COMMD10: variants seen among roughly 807,000 people sequenced by gnomAD.
COMMD10 encodes the protein COMM domain containing 10.
In COMMD10, 33 loss-of-function variants were observed where a neutral mutation model predicts 28.9. That is an observed-to-expected ratio of 1.14 (90% CI 0.87 to 1.53). COMMD10 has a LOEUF of 1.53. Ranked by LOEUF, COMMD10 falls within the 40% of genes most tolerant of loss-of-function variation. COMMD10 has a pLI of 0.00. For synonymous variants in COMMD10, 110 were observed against 81.7 expected (o/e 1.35, Z -1.87); for missense variants, 310 against 233.4 (o/e 1.33, Z -2.14).
intron 5 of COMMD10, among the ~76,000 whole-genome samples, chr5:116,194,609 T>G (rs997629268): frequency 6.6e-5 from 10 of 152,070 alleles, no homozygotes; most frequent in African/African-American, 9.7e-5. Flanking sequence ...CTCTCTTAGC[T>G]GCTTACATCA....
At chr5:116,208,937 A>G (rs1453557076) in intron 5 of COMMD10, among the ~76,000 whole-genome samples, 1 of 152,146 alleles carries the variant, frequency 6.6e-6, no homozygotes, top group African/African-American at 2.4e-5. Flanking sequence ...TGTTAGACCA[A>G]ACATTGGGAA....
At chr5:116,189,477 C>T (rs193057693) in intron 5 of COMMD10, among the ~76,000 whole-genome samples, 2 of 152,228 alleles carry the variant, frequency 1.3e-5, no homozygotes. Context: ...TTCTTTAGTG[C>T]CATCTTGTTT....
chr5:116,189,809 C>A (rs990052859), intron 5 of COMMD10, among the ~76,000 whole-genome samples: 5 of 152,106 alleles, frequency 3.3e-5, no homozygotes, highest in African/African-American at 1.2e-4. Flanking sequence ...AGAAATTGTT[C>A]ATGTATTTTA....
chr5:116,096,720 C>T (rs981380359), intron 4 of COMMD10, among the ~76,000 whole-genome samples: 3 of 151,844 alleles, frequency 2.0e-5, no homozygotes, highest in Admixed American at 6.6e-5. Context: ...TAGAAAATGC[C>T]CCTTTATTGT....
At chr5:116,249,754 C>T (rs548700836) in intron 5 of COMMD10, among the ~76,000 whole-genome samples, 1 of 151,850 alleles carries the variant, frequency 6.6e-6, no homozygotes, top group Non-Finnish European at 1.5e-5. Flanking sequence ...TAATGTAGTA[C>T]AGATTTTAAG....
At position 116,288,477 on chromosome 5, in the gene COMMD10, T is replaced by C. The variant is rs575268525; in HGVS notation, c.511-3040T>C. On this transcript the variant is annotated intron_variant, in intron 5 of 6. Coordinates refer to ENST00000274458, the MANE Select transcript of COMMD10 (RefSeq NM_016144.4). ...TTGAATTTCTTGATCTGTATGTACA[T>C]TTCTGTCCACAGATTGGGGAAGTTT... Among the ~76,000 whole-genome samples the C allele has an allele frequency of 2.6e-5, 4 of 152,056 alleles. No homozygotes were observed. In the South Asian group the frequency reaches 6.2e-4, roughly 24 times the overall value.
At chr5:116,125,297 C>T (rs1382088741) in intron 4 of COMMD10, among the ~76,000 whole-genome samples, 2 of 152,108 alleles carry the variant, frequency 1.3e-5, no homozygotes, top group Non-Finnish European at 2.9e-5. Context: ...TTTATTTCTC[C>T]TTCACATATG....
At chr5:116,143,504 C>T (rs1231746531) in intron 5 of COMMD10, among the ~76,000 whole-genome samples, 3 of 151,646 alleles carry the variant, frequency 2.0e-5, no homozygotes, top group Non-Finnish European at 4.4e-5. Flanking sequence ...AGTAAAGAAA[C>T]AAATACTGTC....
intron 5 of COMMD10, among the ~76,000 whole-genome samples, chr5:116,287,104 C>T (rs1004524952): frequency 4.0e-5 from 6 of 151,764 alleles, no homozygotes; most frequent in Middle Eastern, 3.4e-3. Flanking sequence ...CAATGTACAG[C>T]AGGCTTTTAA....
chr5:116,127,729 G>C (rs183540361), intron 4 of COMMD10, among the ~76,000 whole-genome samples: 1 of 152,256 alleles, frequency 6.6e-6, no homozygotes, highest in Non-Finnish European at 1.5e-5. Flanking sequence ...TGAACAATGA[G>C]AACACTTGGA....
At chr5:116,189,820 G>C (rs1748291875) in intron 5 of COMMD10, among the ~76,000 whole-genome samples, 1 of 152,132 alleles carries the variant, frequency 6.6e-6, no homozygotes, top group African/African-American at 2.4e-5. Flanking sequence ...ATGTATTTTA[G>C]CAAAATGAAA....
chr5:116,091,006 G>A lies in COMMD10; in HGVS notation c.133-73G>A, dbSNP rs1750277226. ...GTTCTCATCTCATATACGAATAAAT[G>A]AATCTTCTGTCAAGTATGAATTTTG... is the stretch of plus-strand genomic sequence containing the variant. On this transcript the variant is annotated intron_variant, in intron 2 of 6. Transcript: ENST00000274458. The A allele has an allele frequency of 6.0e-6, 5 of 834,864 alleles. No individual in the cohort carries two copies. The Admixed American group carries it at 1.0e-4, about 18-fold the overall frequency. The allele number at this position is 834,864 out of a possible 1,614,324, so 51.7% of individuals were successfully genotyped here. A position where few individuals can be genotyped will look rare whatever the true frequency, so the allele number is the denominator to read the frequency against.
intron 5 of COMMD10, among the ~76,000 whole-genome samples, chr5:116,187,144 G>A (rs1056956111): frequency 6.6e-6 from 1 of 152,072 alleles, no homozygotes; most frequent in Non-Finnish European, 1.5e-5. Flanking sequence ...GGGAATACAT[G>A]TGTTCAAAAG....
intron 5 of COMMD10, among the ~76,000 whole-genome samples, chr5:116,151,914 G>T (rs1337240238): frequency 6.6e-6 from 1 of 152,040 alleles, no homozygotes; most frequent in East Asian, 1.9e-4. Context: ...GAATATGTTT[G>T]CTCTTGCTTT....
intron 5 of COMMD10, among the ~76,000 whole-genome samples, chr5:116,245,760 T>C (rs1466002644): frequency 1.3e-5 from 2 of 152,150 alleles, no homozygotes; most frequent in South Asian, 2.1e-4. Context: ...TCTCAATAGA[T>C]GCAGAAAAGG....
At chr5:116,176,722 A>G (rs370447227) in intron 5 of COMMD10, among the ~76,000 whole-genome samples, 1 of 152,196 alleles carries the variant, frequency 6.6e-6, no homozygotes, top group African/African-American at 2.4e-5. Flanking sequence ...AAAATTTCCT[A>G]GTTATTGATT....
At chr5:116,140,017 A>G (rs975002455) in intron 5 of COMMD10, among the ~76,000 whole-genome samples, 1 of 151,782 alleles carries the variant, frequency 6.6e-6, no homozygotes, top group Non-Finnish European at 1.5e-5. Flanking sequence ...GCAAGTTTAT[A>G]TGCTTTAACC....
chr5:116,235,061 G>C (rs1749625848), intron 5 of COMMD10, among the ~76,000 whole-genome samples: 1 of 152,140 alleles, frequency 6.6e-6, no homozygotes, highest in African/African-American at 2.4e-5. Flanking sequence ...TCAATCATTT[G>C]TATAATATAA....
In COMMD10 at chr5:116,257,815, C is replaced by A. The variant is rs1363273832; in HGVS notation, c.511-33702C>A. Among the ~76,000 whole-genome samples the A allele has an allele frequency of 2.0e-5, 3 of 151,588 alleles. No homozygotes were observed. In the South Asian group the frequency reaches 6.2e-4, roughly 32 times the overall value. On this transcript the variant is annotated intron_variant, in intron 5 of 6. Transcript: ENST00000274458. ...AATTTTAAGATTCTTATATGTGGACCACTTTGTATAATGTGCCTACAAGGT... is the reference window on the plus strand; with the variant it reads ...AATTTTAAGATTCTTATATGTGGACAACTTTGTATAATGTGCCTACAAGGT...
Sources: allele counts gnomAD v4.1 joint callset (sites outside exome capture counted in the v4.1 genomes callset), GRCh38; gene constraint gnomAD v4.1.1; transcripts MANE v1.5; gene names NCBI Gene and HGNC (gene_info 2026-07-23, HGNC 2026-07-21).